Variants in KCNB2 observed in about 807,000 individuals in gnomAD.
KCNB2 encodes the protein delayed rectifier potassium channel protein.
A neutral mutation model predicts 61.5 loss-of-function variants in KCNB2; 15 were observed. The ratio of observed to expected loss-of-function variants is 0.24; its 90% confidence interval spans 0.16 to 0.38. KCNB2 has a LOEUF of 0.38. KCNB2 is among the 10% of genes least tolerant of loss of function. The pLI is 1.00. For synonymous variants in KCNB2, 457 were observed against 446.0 expected, an observed-to-expected ratio of 1.02 and a Z score of -0.31; for missense variants, 828 against 1,125.2, an observed-to-expected ratio of 0.74 and a Z score of 3.78.
chr8:72,647,428 T>A (rs555290454), intron 2 of KCNB2, among the ~76,000 whole-genome samples: 2 of 152,194 alleles, frequency 1.3e-5, no homozygotes, highest in Non-Finnish European at 2.9e-5. Context: ...GAAATTAATA[T>A]AAATTTTAAA....
At chr8:72,666,809 ATAAT>A (rs1806481455) in intron 2 of KCNB2, among the ~76,000 whole-genome samples, 1 of 152,106 alleles carries the variant, frequency 6.6e-6, no homozygotes, top group African/African-American at 2.4e-5. Flanking sequence ...ACTTCAGTTA[ATAAT>A]TAATTTTTTT....
chr8:72,782,458 T>A (rs1224889455), intron 2 of KCNB2, among the ~76,000 whole-genome samples: 1 of 152,034 alleles, frequency 6.6e-6, no homozygotes, highest in East Asian at 1.9e-4. Flanking sequence ...TGGCTCTGGG[T>A]CTCTTCTTTG....
intron 2 of KCNB2, among the ~76,000 whole-genome samples, chr8:72,933,349 T>A (rs1434708324): frequency 6.6e-6 from 1 of 152,228 alleles, no homozygotes; most frequent in African/African-American, 2.4e-5. Flanking sequence ...CCCTTGGACC[T>A]TTCACTTTAT....
intron 2 of KCNB2, among the ~76,000 whole-genome samples, chr8:72,918,766 G>A (rs1418662358): frequency 6.6e-6 from 1 of 152,162 alleles, no homozygotes; most frequent in Non-Finnish European, 1.5e-5. Context: ...ATTTAATGTG[G>A]TGCAGCTGGC....
chr8:72,561,691 T>TTATATATATA (rs1172254677), intron 1 of KCNB2, among the ~76,000 whole-genome samples: 6 of 19,404 alleles, frequency 3.1e-4, no homozygotes, highest in Admixed American at 8.8e-4. Flanking sequence ...GATCTTACTT[T>TTATATATATA]TATATATATA....
intron 2 of KCNB2, among the ~76,000 whole-genome samples, chr8:72,726,889 G>A (rs1030682020): frequency 1.3e-5 from 2 of 152,130 alleles, no homozygotes; most frequent in African/African-American, 4.8e-5. Context: ...TGCTGCATGA[G>A]AACAGAAAGC....
chr8:72,662,850 A>C (rs1337647678), intron 2 of KCNB2, among the ~76,000 whole-genome samples: 3 of 152,208 alleles, frequency 2.0e-5, no homozygotes, highest in Non-Finnish European at 4.4e-5. Flanking sequence ...TAATCCATAC[A>C]TTTCAAGAGT....
chr8:72,652,280 T>A (rs1190185645), intron 2 of KCNB2, among the ~76,000 whole-genome samples: 7 of 152,152 alleles, frequency 4.6e-5, no homozygotes, highest in Non-Finnish European at 1.5e-5. Flanking sequence ...ATGCTCATGC[T>A]CATGCCGTAA....
At chr8:72,932,488 T>C (rs1273522149) in intron 2 of KCNB2, among the ~76,000 whole-genome samples, 3 of 152,144 alleles carry the variant, frequency 2.0e-5, no homozygotes, top group Non-Finnish European at 4.4e-5. Flanking sequence ...AACTTGTTTG[T>C]GAAGACCTGG....
chr8:72,757,878 TC>T (rs1808315698), intron 2 of KCNB2, among the ~76,000 whole-genome samples: 1 of 152,070 alleles, frequency 6.6e-6, no homozygotes, highest in Non-Finnish European at 1.5e-5. Context: ...GTTGAGGAAG[TC>T]AAGAGTGGTC....
rs373621757 is a variant in KCNB2 at position 72,673,046 on chromosome 8, A to G, written c.579+104733A>G. Among the ~76,000 whole-genome samples, 8 of 152,348 alleles carry G rather than the reference A, an allele frequency of 5.3e-5. No homozygotes were observed. The East Asian group carries it at 1.5e-3, about 29-fold the overall frequency. ...TGATCCAGCAATCTCACCTCTGGGTATATACCCAAAAGAATTGAAAGCAGG... is the reference window on the plus strand; with the variant it reads ...TGATCCAGCAATCTCACCTCTGGGTGTATACCCAAAAGAATTGAAAGCAGG... On this transcript the variant is annotated intron_variant, in intron 2 of 2. Transcript: ENST00000523207.
intron 2 of KCNB2, among the ~76,000 whole-genome samples, chr8:72,717,979 C>G (rs62518131): frequency 4.0e-5 from 6 of 151,110 alleles, no homozygotes; most frequent in Non-Finnish European, 8.9e-5. Context: ...AAAAAACAAA[C>G]AACCCCATCA....
chr8:72,598,813 A>G (rs1807241283), intron 2 of KCNB2, among the ~76,000 whole-genome samples: 1 of 152,222 alleles, frequency 6.6e-6, no homozygotes, highest in South Asian at 2.1e-4. Context: ...AATAAGAGAC[A>G]GAGAGCCAAA....
At chr8:72,541,933 G>C (rs1484599307) in intron 1 of KCNB2, among the ~76,000 whole-genome samples, 1 of 151,888 alleles carries the variant, frequency 6.6e-6, no homozygotes, top group Non-Finnish European at 1.5e-5. Context: ...TATTAGTTCT[G>C]AAATATAATT....
chr8:72,556,527 G>T (rs754935054), intron 1 of KCNB2, among the ~76,000 whole-genome samples: 2 of 152,106 alleles, frequency 1.3e-5, no homozygotes, highest in African/African-American at 2.4e-5. Context: ...GGTGTCTATA[G>T]TTCAGGGAAA....
chr8:72,697,294 A>G (rs371181912), intron 2 of KCNB2, among the ~76,000 whole-genome samples: 10 of 152,298 alleles, frequency 6.6e-5, no homozygotes, highest in Admixed American at 5.2e-4. Flanking sequence ...CCTCAGATTC[A>G]TAGTAAGCAC....
chr8:72,601,802 C>G (rs1179659493), intron 2 of KCNB2, among the ~76,000 whole-genome samples: 1 of 152,126 alleles, frequency 6.6e-6, no homozygotes, highest in Non-Finnish European at 1.5e-5. Context: ...ACAGAACACT[C>G]TATCACAAAA....
chr8:72,741,916 A>T (rs760357927), intron 2 of KCNB2, among the ~76,000 whole-genome samples: 1 of 152,232 alleles, frequency 6.6e-6, no homozygotes, highest in Non-Finnish European at 1.5e-5. Flanking sequence ...TACAACCACT[A>T]TGGAAAATAG....
intron 2 of KCNB2, among the ~76,000 whole-genome samples, chr8:72,687,948 A>G (rs796554609): frequency 1.3e-5 from 2 of 152,292 alleles, no homozygotes; most frequent in African/African-American, 4.8e-5. Flanking sequence ...AGTTTGGGCT[A>G]TGGAGCACAG....
Sources: allele counts gnomAD v4.1 joint callset (sites outside exome capture counted in the v4.1 genomes callset), GRCh38; gene constraint gnomAD v4.1.1; transcripts MANE v1.5; gene names NCBI Gene and HGNC (gene_info 2026-07-23, HGNC 2026-07-21).